CTNNA2: variants seen among roughly 807,000 people sequenced by gnomAD.
CTNNA2 encodes the protein catenin alpha 2, also known as catenin alpha-2.
In CTNNA2, 42 loss-of-function variants were observed where a neutral mutation model predicts 101.0. That is an observed-to-expected ratio of 0.42 (90% CI 0.32 to 0.54). The LOEUF is 0.54. Ranked by LOEUF, CTNNA2 falls within the 20% of genes least tolerant of loss-of-function variation. The pLI is 0.14. For synonymous variants in CTNNA2, 450 were observed against 456.4 expected, an observed-to-expected ratio of 0.99 and a Z score of 0.18; for missense variants, 871 against 1,223.1, an observed-to-expected ratio of 0.71 and a Z score of 4.29.
chr2:79,508,980 T>C (rs1481405498), upstream of CTNNA2, among the ~76,000 whole-genome samples: 2 of 38,136 alleles, frequency 5.2e-5, no homozygotes, highest in South Asian at 8.4e-4. Context: ...TATATATATA[T>C]ATATATATAT....
chr2:80,208,812 T>C (rs1331673693), intron 7 of CTNNA2, among the ~76,000 whole-genome samples: 1 of 152,220 alleles, frequency 6.6e-6, no homozygotes, highest in Non-Finnish European at 1.5e-5. Flanking sequence ...GCCAACAATT[T>C]CACCAATGAA....
At chr2:79,634,733 G>A (rs1679906216) in intron 1 of CTNNA2, 1 of 152,402 alleles carries the variant, frequency 6.6e-6, no homozygotes, top group Admixed American at 6.5e-5. Flanking sequence ...GATGAAGCTG[G>A]CCTATGGAAG....
chr2:80,453,426 G>A (rs1395786251), intron 9 of CTNNA2, among the ~76,000 whole-genome samples: 1 of 151,874 alleles, frequency 6.6e-6, no homozygotes, highest in Admixed American at 6.6e-5. Context: ...CACTATGGAA[G>A]CAAGTGGGTG....
At chr2:79,632,812 A>G (rs1053600715) in intron 1 of CTNNA2, among the ~76,000 whole-genome samples, 1 of 152,232 alleles carries the variant, frequency 6.6e-6, no homozygotes. Flanking sequence ...CTGATACAGA[A>G]TAGGAACCAG....
chr2:80,206,442 T>G (rs1319667780), intron 7 of CTNNA2, among the ~76,000 whole-genome samples: 1 of 152,244 alleles, frequency 6.6e-6, no homozygotes, highest in Non-Finnish European at 1.5e-5. Context: ...ATCCTTGTAT[T>G]TGTAAGATGC....
At position 79,760,185 on chromosome 2, in the gene CTNNA2, TGATA is replaced by T. The variant is rs988953975; in HGVS notation, c.298+15610_298+15613del. ...TAGGCAAGGCATGTAAATCAGTGAC[TGATA>T]GATAGAAAGCATTATGTAAATGCTA... On this transcript the variant is annotated intron_variant, in intron 3 of 18. Coordinates refer to ENST00000402739, the MANE Select transcript of CTNNA2 (RefSeq NM_001282597.3). 1.1e-3 allele frequency among the ~76,000 whole-genome samples: 155 copies of T among 147,370 alleles called. 1 individual carries two copies. Among genetic ancestry groups the T allele is most frequent in the African/African-American group, 2.8e-3 (105 of 37,054 alleles).
chr2:80,093,934 A>G lies in CTNNA2; in HGVS notation c.1056+184137A>G, dbSNP rs1457443050. Among the ~76,000 whole-genome samples the G allele has an allele frequency of 4.6e-5, 7 of 151,206 alleles. No homozygotes were observed. In the East Asian group the frequency reaches 9.7e-4, roughly 21 times the overall value. On this transcript the variant is annotated intron_variant, in intron 7 of 18. Transcript: ENST00000402739. ...TTTGTCAGATGAGTAGGTTGCAAAA[A>G]TTTTCTCCCATTCTGTAGGTTGCCT...
intron 7 of CTNNA2, among the ~76,000 whole-genome samples, chr2:80,199,104 C>T (rs1707028359): frequency 6.8e-6 from 1 of 147,356 alleles, no homozygotes; most frequent in South Asian, 2.1e-4. Context: ...TCACTGGGAC[C>T]CAGGAGGCGG....
chr2:80,219,558 G>T (rs1409172479), intron 7 of CTNNA2, among the ~76,000 whole-genome samples: 1 of 151,988 alleles, frequency 6.6e-6, no homozygotes, highest in Non-Finnish European at 1.5e-5. Context: ...ATACCAGTCT[G>T]TGTCCAGACT....
chr2:79,223,053 G>A (rs1407360739), intron 2 of CTNNA2, among the ~76,000 whole-genome samples: 1 of 152,150 alleles, frequency 6.6e-6, no homozygotes. Flanking sequence ...CCAGCTACTC[G>A]AGAGTCTGAG....
intron 13 of CTNNA2, among the ~76,000 whole-genome samples, chr2:80,575,495 G>T (rs1442417096): frequency 6.6e-6 from 1 of 151,954 alleles, no homozygotes; most frequent in Non-Finnish European, 1.5e-5. Context: ...ACAGAGAAAA[G>T]AGATATAAGA....
intron 15 of CTNNA2, among the ~76,000 whole-genome samples, chr2:80,597,244 A>T (rs1333529200): frequency 1.3e-5 from 2 of 152,206 alleles, no homozygotes; most frequent in Admixed American, 1.3e-4. Flanking sequence ...TACTGGGAAA[A>T]CTGGCTAGCC....
chr2:79,887,983 A>C (rs1384525721), intron 6 of CTNNA2, among the ~76,000 whole-genome samples: 1 of 152,212 alleles, frequency 6.6e-6, no homozygotes, highest in Admixed American at 6.5e-5. Flanking sequence ...GTGGGTTCTT[A>C]GATCCCTGTA....
chr2:79,497,519 G>A (rs560173072), intron 4 of CTNNA2, among the ~76,000 whole-genome samples: 3 of 152,170 alleles, frequency 2.0e-5, no homozygotes, highest in Admixed American at 6.5e-5. Flanking sequence ...TCTGTACAGC[G>A]TAATGTTACA....
intron 7 of CTNNA2, among the ~76,000 whole-genome samples, chr2:80,287,408 A>T (rs1432478991): frequency 3.9e-5 from 6 of 152,188 alleles, no homozygotes; most frequent in African/African-American, 1.4e-4. Context: ...TGAGGTCCAT[A>T]GACTGAATTT....
intron 2 of CTNNA2, among the ~76,000 whole-genome samples, chr2:79,664,624 T>C (rs1224303881): frequency 2.6e-5 from 4 of 151,954 alleles, no homozygotes; most frequent in Non-Finnish European, 5.9e-5. Flanking sequence ...AACATACTTA[T>C]ACTAAAATAA....
chr2:79,281,780 A>G (rs1217755285), intron 2 of CTNNA2, among the ~76,000 whole-genome samples: 1 of 152,220 alleles, frequency 6.6e-6, no homozygotes, highest in Non-Finnish European at 1.5e-5. Context: ...AAACATAATA[A>G]AGTAATTGCA....
chr2:80,643,974 ATG>A (rs1673769579), intron 18 of CTNNA2, among the ~76,000 whole-genome samples: 1 of 152,256 alleles, frequency 6.6e-6, no homozygotes, highest in South Asian at 2.1e-4. Flanking sequence ...TGTTAAAAGG[ATG>A]TTGCCAGGTT....
intron 9 of CTNNA2, among the ~76,000 whole-genome samples, chr2:80,473,424 A>G (rs1685471257): frequency 6.6e-6 from 1 of 152,212 alleles, no homozygotes; most frequent in African/African-American, 2.4e-5. Context: ...TGCCTAGATA[A>G]TGGGTGATTT....
Sources: gnomAD v4.1 joint callset for allele counts (sites outside exome capture counted in the v4.1 genomes callset) on GRCh38, gnomAD v4.1.1 for gene constraint, MANE v1.5 for transcripts, NCBI Gene and HGNC (gene_info 2026-07-23, HGNC 2026-07-21) for gene names.